Variants in FNBP4 observed in about 807,000 individuals in gnomAD.
FNBP4 encodes formin binding protein 4.
In FNBP4, 34 loss-of-function variants were observed where a neutral mutation model predicts 119.3. The observed-to-expected ratio is 0.28, with a 90% CI of 0.22 to 0.38. The LOEUF (loss-of-function observed/expected upper bound fraction) is 0.38. FNBP4 is among the 10% of genes least tolerant of loss of function. The pLI is 1.00. For synonymous variants in FNBP4, 462 were observed against 430.6 expected, an observed-to-expected ratio of 1.07 and a Z score of -0.90; for missense variants, 1,112 against 1,228.9, an observed-to-expected ratio of 0.90 and a Z score of 1.42.
chr11:47,720,133 G>A, intron 15 of FNBP4, 47 bp from the exon 16 acceptor site: 2 of 1,555,284 alleles, frequency 1.3e-6, no homozygotes, highest in Non-Finnish European at 1.7e-6. Flanking sequence ...CATAAAATAA[G>A]GATAAGCGTC....
intron 10 of FNBP4, among the ~76,000 whole-genome samples, chr11:47,733,753 G>A (rs896654325): frequency 2.2e-4 from 33 of 152,096 alleles, no homozygotes; most frequent in Non-Finnish European, 8.8e-5. Flanking sequence ...TCTTTAAACA[G>A]ACTTATAATG....
chr11:47,723,123 G>A lies in FNBP4; in HGVS notation c.2658C>T (p.Pro886=). ...CTCGGGCCTGAACTGGCTGCAATGAGGGAGCAGTCACTCCAATTGGGACAG... is the reference window on the plus strand; with the variant it reads ...CTCGGGCCTGAACTGGCTGCAATGAAGGAGCAGTCACTCCAATTGGGACAG... The part of the protein sequence containing the change: ...ECSVPIGVTA[P]SLQPVQARGA... The change falls in exon 15 of 17, where the codon CCC becomes CCT. Residue 886 remains proline, a synonymous_variant. Coordinates refer to ENST00000263773, the MANE Select transcript of FNBP4 (RefSeq NM_015308.5). 1.2e-6 allele frequency: 2 copies of A among 1,614,072 alleles called. No homozygotes were observed. Among genetic ancestry groups the A allele is most frequent in the East Asian group, 2.2e-5 (1 of 44,870 alleles).
chr11:47,748,012 G>A (rs34923397), intron 6 of FNBP4, among the ~76,000 whole-genome samples: 40,697 of 151,816 alleles, frequency 0.27, 6,689 homozygotes, highest in Middle Eastern at 0.37. Flanking sequence ...GGAGGCCAAG[G>A]TGGGAGGATC....
At chr11:47,743,210 T>C (rs1219363203) in intron 8 of FNBP4, among the ~76,000 whole-genome samples, 1 of 152,196 alleles carries the variant, frequency 6.6e-6, no homozygotes, top group African/African-American at 2.4e-5. Flanking sequence ...GGGCCACAGC[T>C]GAAAGCGGTG....
At chr11:47,722,954 T>G (rs1333136976) in intron 15 of FNBP4, 22 bp downstream of exon 15, 1 of 1,475,362 alleles carries the variant, frequency 6.8e-7, no homozygotes, top group Non-Finnish European at 8.9e-7. Context: ...AATAAATTTT[T>G]AAAAAGGGAA....
Position 47,765,374 on chromosome 11 carries a change from A to AAAAAGAAAAGAAAAGAAAAG in FNBP4, c.221-32_221-13dup, listed in dbSNP as rs3842251. 3.6e-3 allele frequency: 3,693 copies of AAAAAGAAAAGAAAAGAAAAG among 1,033,426 alleles called. 39 individuals carry two copies. Among genetic ancestry groups the AAAAAGAAAAGAAAAGAAAAG allele is most frequent in the African/African-American group, 0.013 (706 of 55,478 alleles). 64.0% of individuals were successfully genotyped at this position (1,033,426 alleles called of 1,614,324 possible). ...CGCTTCCTGTTCATCTGGATTAAAA[A>AAAAAGAAAAGAAAAGAAAAG]AAAAGAAAAGAAAAGAAAAGAAAAG... On this transcript the variant is annotated splice_polypyrimidine_tract_variant and intron_variant, in intron 1 of 16. Coordinates refer to ENST00000263773, the MANE Select transcript of FNBP4 (RefSeq NM_015308.5).
At chr11:47,729,036 G>C (rs1479549287) in intron 12 of FNBP4, 1 of 364,914 alleles carries the variant, frequency 2.7e-6, no homozygotes, top group African/African-American at 2.2e-5. Flanking sequence ...ACTTTTAGTA[G>C]AGGCAGGGTT....
rs2097558577 is a variant in FNBP4 at position 47,724,145 on chromosome 11, A to G, written c.2347T>C (p.Ser783Pro). ...CTCTTTATTCCTTTAGTGGAAGAAGAACTAGAGATGGTGGAATCAACTGAA... is the reference window on the plus strand; with the variant it reads ...CTCTTTATTCCTTTAGTGGAAGAAGGACTAGAGATGGTGGAATCAACTGAA... ...QSSVDSTISS[S>P]SSTKGIKRKA... The change falls in exon 14 of 17, where the codon TCT (serine) becomes CCT (proline). Residue 783 changes from serine (S) to proline (P), a missense_variant. Ser to Pro is a moderately conservative substitution (Grantham distance 74, BLOSUM62 -1). Coordinates refer to ENST00000263773, the MANE Select transcript of FNBP4 (RefSeq NM_015308.5). 6.2e-7 allele frequency: 1 copy of G among 1,614,176 alleles called. No individual in the cohort carries two copies. The highest frequency in any genetic ancestry group is 8.5e-7 in the Non-Finnish European group (1 of 1,180,014).
Position 47,756,629 on chromosome 11 carries a change from T to C in FNBP4, c.314-1965A>G, listed in dbSNP as rs1000793883. Among the ~76,000 whole-genome samples, 4 of 152,228 alleles carry C rather than the reference T, an allele frequency of 2.6e-5. No individual in the cohort carries two copies. In the East Asian group the frequency reaches 7.7e-4, roughly 29 times the overall value. On this transcript the variant is annotated intron_variant, in intron 2 of 16. Coordinates refer to ENST00000263773, the MANE Select transcript of FNBP4 (RefSeq NM_015308.5). ...ATTACATATGTATACATGTACTATG[T>C]TGGTGTGCTGCACCCATTAACTCAT...
rs1370532913 is a variant in FNBP4 at position 47,735,776 on chromosome 11, A to T, written c.1581+840T>A. Among the ~76,000 whole-genome samples, 8 of 152,294 alleles carry T rather than the reference A, an allele frequency of 5.3e-5. No individual in the cohort carries two copies. The South Asian group carries it at 8.3e-4, about 16-fold the overall frequency. ...ACTTGTTAACAGAAAGCAGTTTAAT[A>T]AATGGCATTAAAAAAAAATGGGGCC... On this transcript the variant is annotated intron_variant, in intron 9 of 16. Transcript: ENST00000263773.
At chr11:47,731,176 GCA>G (rs979777495) in intron 12 of FNBP4, 196 bp downstream of exon 12, 2 of 458,230 alleles carry the variant, frequency 4.4e-6, no homozygotes, top group Non-Finnish European at 3.6e-6. Flanking sequence ...TCACTTTGGG[GCA>G]CAGTTTTACA....
At chr11:47,729,995 C>CT in intron 12 of FNBP4, 1 of 985,390 alleles carries the variant, frequency 1.0e-6, no homozygotes, top group Non-Finnish European at 1.2e-6. Flanking sequence ...CAAGAGCCTC[C>CT]TTTTACCAGA....
intron 9 of FNBP4, 151 bp from the exon 10 acceptor site, chr11:47,734,280 T>C: frequency 4.3e-6 from 2 of 467,036 alleles, no homozygotes. Flanking sequence ...ATCCAGAATA[T>C]AAAATTCTAA....
chr11:47,722,253 CTT>C (rs56018868), intron 15 of FNBP4, among the ~76,000 whole-genome samples: 78 of 146,132 alleles, frequency 5.3e-4, no homozygotes, highest in Admixed American at 6.9e-4. Flanking sequence ...CCCCGTTTTT[CTT>C]TTTTTTTTTT....
At chr11:47,727,374 C>T (rs762654021) in intron 12 of FNBP4, among the ~76,000 whole-genome samples, 5 of 151,700 alleles carry the variant, frequency 3.3e-5, no homozygotes, top group Non-Finnish European at 7.4e-5. Flanking sequence ...CTCAGCCTCG[C>T]GAGTAGCTGG....
At position 47,732,494 on chromosome 11, in the gene FNBP4, A is replaced by C; in HGVS notation, c.1820+43T>G. The C allele has an allele frequency of 6.2e-7, 1 of 1,612,232 alleles. No individual in the cohort carries two copies. ...TGGTGGTGATCACAAATCATGTCTGAGATGTCAAAGGTGAAAGGTGAAAAG... is the reference window on the plus strand; with the variant it reads ...TGGTGGTGATCACAAATCATGTCTGCGATGTCAAAGGTGAAAGGTGAAAAG... On this transcript the variant is annotated intron_variant, in intron 11 of 16. Coordinates refer to ENST00000263773, the MANE Select transcript of FNBP4 (RefSeq NM_015308.5). This position sits in a 1 kb window ranked among gnomAD's most constrained non-coding sequence, Gnocchi z 4.2.
Position 47,732,018 on chromosome 11 carries a change from G to A in FNBP4, c.1821-457C>T. 3 of 992,708 alleles carry A rather than the reference G, an allele frequency of 3.0e-6. No homozygotes were observed. Among genetic ancestry groups the A allele is most frequent in the Non-Finnish European group, 3.6e-6 (3 of 835,268 alleles). 61.5% of individuals were successfully genotyped at this position (992,708 alleles called of 1,614,324 possible). ...AAACACAGTGAAAGCTAAAGAGAGG[G>A]AGAGGATCTGGGAGCTGAAAAATAA... On this transcript the variant is annotated intron_variant, in intron 11 of 16. Coordinates refer to ENST00000263773, the MANE Select transcript of FNBP4 (RefSeq NM_015308.5). The surrounding 1 kb of genome is among the most constrained non-coding windows in gnomAD (Gnocchi z 4.2).
At position 47,720,228 on chromosome 11, in the gene FNBP4, T is replaced by C. The variant is rs2097553996; in HGVS notation, c.2806-142A>G. On this transcript the variant is annotated intron_variant, in intron 15 of 16. Transcript: ENST00000263773. ...AGAAAGTAAATACCATTCTAAGTTC[T>C]TGCCATAAATTTCTTACCAATTATA... The C allele has an allele frequency of 3.6e-6, 3 of 827,254 alleles. No individual in the cohort carries two copies. The East Asian group carries it at 9.0e-5, about 25-fold the overall frequency. The allele number at this position is 827,254 out of a possible 1,614,324, so 51.2% of individuals were successfully genotyped here.
At chr11:47,753,248 G>A (rs867963572) in intron 3 of FNBP4, 146 bp from the exon 4 acceptor site, 3 of 557,420 alleles carry the variant, frequency 5.4e-6, no homozygotes, top group Admixed American at 3.1e-5. Context: ...GCTGAGACAG[G>A]TGGATCACTT....
Sources: allele counts gnomAD v4.1 joint callset (sites outside exome capture counted in the v4.1 genomes callset), GRCh38; gene constraint gnomAD v4.1.1; non-coding constraint Gnocchi (gnomAD v3.1); transcripts MANE v1.5; gene names NCBI Gene and HGNC (gene_info 2026-07-23, HGNC 2026-07-21).